The following ADGRL3 variants were observed in gnomAD, a reference collection of about 807,000 sequenced individuals.
The protein encoded by ADGRL3 is calcium-independent alpha-latrotoxin receptor 3.
A neutral mutation model predicts 153.5 loss-of-function variants in ADGRL3; 62 were observed. The ratio of observed to expected loss-of-function variants is 0.40; its 90% CI spans 0.33 to 0.50. The LOEUF (loss-of-function observed/expected upper bound fraction) is 0.50. ADGRL3 is among the 20% of genes least tolerant of loss of function. The probability of loss-of-function intolerance (pLI) is 0.47; values close to 1 mark genes in which losing one functional copy is unlikely to be tolerated. For missense variants in ADGRL3, 1,641 were observed against 1,859.4 expected (o/e 0.88, Z 2.16); for synonymous variants, 710 against 672.5 (o/e 1.06, Z -0.86).
chr4:62,006,195 C>T (rs749123252), intron 21 of ADGRL3, among the ~76,000 whole-genome samples: 33 of 151,028 alleles, frequency 2.2e-4, no homozygotes, highest in African/African-American at 7.0e-4. Context: ...CCATCATGCC[C>T]GGCTAATTTT....
intron 25 of ADGRL3, among the ~76,000 whole-genome samples, chr4:62,057,591 G>GT (rs1189048460): frequency 1.3e-5 from 2 of 152,086 alleles, no homozygotes; most frequent in African/African-American, 4.8e-5. Context: ...GTTTTGCTTT[G>GT]TATCTCACTT....
At chr4:61,615,741 G>T (rs1002617460) in intron 5 of ADGRL3, among the ~76,000 whole-genome samples, 2 of 151,964 alleles carry the variant, frequency 1.3e-5, no homozygotes, top group Admixed American at 6.6e-5. Context: ...TTTATGACTT[G>T]CATTGAAAAC....
chr4:61,403,817 T>C (rs1247747069), intron 2 of ADGRL3, among the ~76,000 whole-genome samples: 1 of 152,050 alleles, frequency 6.6e-6, no homozygotes, highest in Non-Finnish European at 1.5e-5. Flanking sequence ...AACTAAATTA[T>C]AGGACACACA....
chr4:61,358,158 T>C (rs923083817), intron 1 of ADGRL3, among the ~76,000 whole-genome samples: 1 of 152,196 alleles, frequency 6.6e-6, no homozygotes, highest in Non-Finnish European at 1.5e-5. Context: ...TAATTCTCAG[T>C]TCCCATTTTA....
At chr4:61,898,135 AAAG>A (rs1450343128) in intron 11 of ADGRL3, among the ~76,000 whole-genome samples, 1 of 152,080 alleles carries the variant, frequency 6.6e-6, no homozygotes, top group Non-Finnish European at 1.5e-5. Flanking sequence ...ACCAGAAGCC[AAAG>A]AAGGACACAC....
At chr4:61,470,174 A>G (rs993291234) in intron 2 of ADGRL3, among the ~76,000 whole-genome samples, 1 of 152,070 alleles carries the variant, frequency 6.6e-6, no homozygotes. Flanking sequence ...TTTTTAAGTC[A>G]TAATACAATG....
chr4:61,728,809 A>G (rs2096391525), intron 6 of ADGRL3, among the ~76,000 whole-genome samples: 1 of 151,968 alleles, frequency 6.6e-6, no homozygotes, highest in Admixed American at 6.6e-5. Context: ...TATACTTTGG[A>G]GACTATCGAT....
At chr4:61,511,107 C>T (rs778539895) in intron 3 of ADGRL3, among the ~76,000 whole-genome samples, 8 of 152,038 alleles carry the variant, frequency 5.3e-5, no homozygotes, top group Non-Finnish European at 8.8e-5. Context: ...CCTGTAATCC[C>T]AACACTGTGG....
intron 8 of ADGRL3, among the ~76,000 whole-genome samples, chr4:61,798,162 ATTGTC>A (rs1481281016): frequency 9.2e-5 from 14 of 152,084 alleles, no homozygotes; most frequent in Non-Finnish European, 1.5e-5. Flanking sequence ...CTTTTACACT[ATTGTC>A]TTGTGTTGTA....
chr4:61,676,209 T>C (rs568160183), intron 5 of ADGRL3, among the ~76,000 whole-genome samples: 1 of 152,136 alleles, frequency 6.6e-6, no homozygotes, highest in East Asian at 1.9e-4. Context: ...GATTGTATCA[T>C]TATTTGGCTG....
chr4:61,580,585 G>A (rs1560877719), intron 4 of ADGRL3, among the ~76,000 whole-genome samples: 1 of 152,070 alleles, frequency 6.6e-6, no homozygotes, highest in Non-Finnish European at 1.5e-5. Context: ...CACAGTTTCT[G>A]TAGGTTAGGA....
intron 6 of ADGRL3, among the ~76,000 whole-genome samples, chr4:61,690,278 G>C (rs1339449863): frequency 6.6e-6 from 1 of 151,936 alleles, no homozygotes; most frequent in East Asian, 1.9e-4. Flanking sequence ...GACCATGTCT[G>C]TACAAAAAAT....
At chr4:61,452,419 A>C (rs1472066321) in intron 2 of ADGRL3, among the ~76,000 whole-genome samples, 2 of 152,206 alleles carry the variant, frequency 1.3e-5, no homozygotes, top group Non-Finnish European at 2.9e-5. Context: ...TCCAACTCAG[A>C]ATCAGGGAAT....
chr4:61,797,756 A>G (rs979758060), intron 8 of ADGRL3, among the ~76,000 whole-genome samples: 1 of 152,114 alleles, frequency 6.6e-6, no homozygotes, highest in African/African-American at 2.4e-5. Flanking sequence ...TTGTTTCACT[A>G]TCATGTCAAT....
chr4:61,803,214 T>G (rs191624105), intron 8 of ADGRL3, among the ~76,000 whole-genome samples: 1 of 152,122 alleles, frequency 6.6e-6, no homozygotes, highest in Non-Finnish European at 1.5e-5. Flanking sequence ...ACAGGAGTTA[T>G]GTGAAAAAAT....
At chr4:62,039,685 A>G (rs1005273506) in intron 24 of ADGRL3, among the ~76,000 whole-genome samples, 1 of 152,142 alleles carries the variant, frequency 6.6e-6, no homozygotes, top group African/African-American at 2.4e-5. Flanking sequence ...GGGGCAGACC[A>G]GGATGATGCT....
At chr4:61,602,987 C>A (rs1222040871) in intron 5 of ADGRL3, among the ~76,000 whole-genome samples, 1 of 152,046 alleles carries the variant, frequency 6.6e-6, no homozygotes, top group Non-Finnish European at 1.5e-5. Context: ...ATTCCTTTGG[C>A]CTGGGTATTG....
chr4:61,679,598 A>G (rs1194623865), intron 6 of ADGRL3, among the ~76,000 whole-genome samples: 1 of 152,030 alleles, frequency 6.6e-6, no homozygotes, highest in African/African-American at 2.4e-5. Context: ...ACCACATGCC[A>G]TTTTCTACAT....
At chr4:61,783,102 G>A (rs184568603) in intron 8 of ADGRL3, among the ~76,000 whole-genome samples, 2 of 152,252 alleles carry the variant, frequency 1.3e-5, no homozygotes, top group African/African-American at 4.8e-5. Context: ...AGTTGATACA[G>A]TGATACAAAA....
Sources: allele counts gnomAD v4.1 joint callset (sites outside exome capture counted in the v4.1 genomes callset), GRCh38; gene constraint gnomAD v4.1.1; transcripts MANE v1.5; gene names NCBI Gene and HGNC (gene_info 2026-07-23, HGNC 2026-07-21).